Variants in AEBP2 observed in about 807,000 individuals in gnomAD.
The protein encoded by AEBP2 is zinc finger protein AEBP2.
In AEBP2, 10 loss-of-function variants were observed where a neutral mutation model predicts 50.8. The ratio of observed to expected loss-of-function variants is 0.20; its 90% CI spans 0.12 to 0.33. The LOEUF (loss-of-function observed/expected upper bound fraction) is 0.33. Among genes scored for constraint, AEBP2 ranks in the 10% least tolerant of loss-of-function variants. AEBP2 has a pLI of 1.00. For missense variants in AEBP2, 570 were observed against 688.0 expected, an observed-to-expected ratio of 0.83 and a Z score of 1.92; for synonymous variants, 296 against 261.3, an observed-to-expected ratio of 1.13 and a Z score of -1.28.
chr12:19,416,209 C>T (rs895066858), intron 1 of AEBP2, among the ~76,000 whole-genome samples: 3 of 152,072 alleles, frequency 2.0e-5, no homozygotes, highest in African/African-American at 7.2e-5. Flanking sequence ...CAAAACAAAA[C>T]CCAACTTTGG....
rs188858521 is a variant in AEBP2 at position 19,461,763 on chromosome 12, G to A, written c.672-747G>A. ...TGGCATCAGGTAGTCCACCCGCCTC[G>A]GCCTCCCAAAGTGCTGGAATTACAG... On this transcript the variant is annotated intron_variant, in intron 1 of 7. Coordinates refer to ENST00000266508, the MANE Select transcript of AEBP2 (RefSeq NM_153207.5). Among the ~76,000 whole-genome samples the A allele has an allele frequency of 7.2e-5, 11 of 152,170 alleles. No individual in the cohort carries two copies. In the East Asian group the frequency reaches 2.1e-3, roughly 29 times the overall value.
intron 1 of AEBP2, among the ~76,000 whole-genome samples, chr12:19,414,727 A>C (rs951811992): frequency 2.6e-5 from 4 of 152,186 alleles, no homozygotes; most frequent in African/African-American, 7.2e-5. Context: ...GTTCGAGACC[A>C]ACCTGGCCAA....
chr12:19,456,528 G>T, intron 1 of AEBP2: 1 of 1,524,824 alleles, frequency 6.6e-7, no homozygotes, highest in Non-Finnish European at 9.1e-7. Flanking sequence ...AAACTTGCAT[G>T]CAGTGTGAGC....
chr12:19,484,616 G>A lies in AEBP2; in HGVS notation c.988-9184G>A, dbSNP rs1238405235. ...TCTCGATCTCTTGACCTCGTGATCC[G>A]CCCGCCTTGGCCTCACAAAGTGCTG... On this transcript the variant is annotated intron_variant, in intron 3 of 7. Coordinates refer to ENST00000266508, the MANE Select transcript of AEBP2 (RefSeq NM_153207.5). 5.9e-5 allele frequency among the ~76,000 whole-genome samples: 9 copies of A among 152,026 alleles called. No homozygotes were observed. In the South Asian group the frequency reaches 6.2e-4, roughly 11 times the overall value.
chr12:19,476,530 CAG>C (rs57783140), intron 3 of AEBP2, among the ~76,000 whole-genome samples: 56,256 of 151,776 alleles, frequency 0.37, 13,104 homozygotes, highest in Non-Finnish European at 0.53. Context: ...TTAGTAGAGA[CAG>C]AGCTTCACCC....
chr12:19,461,592 C>G (rs2153370072), intron 1 of AEBP2, among the ~76,000 whole-genome samples: 1 of 152,138 alleles, frequency 6.6e-6, no homozygotes, highest in South Asian at 2.1e-4. Flanking sequence ...TCACTCCAAC[C>G]TCCGCCTCCT....
rs1184964981 is a variant in AEBP2 at position 19,522,204 on chromosome 12, A to G, written c.*4087A>G. 1 of 152,146 alleles carries G rather than the reference A, an allele frequency of 6.6e-6. No homozygotes were observed. The highest frequency in any genetic ancestry group is 6.5e-5 in the Admixed American group (1 of 15,278). The allele number at this position is 152,146 out of a possible 1,614,324, so 9.4% of individuals were successfully genotyped here. ...TTTCCTGTGTACGTAGTTTGTTTTT[A>G]AATTAAAGAATCTTGTGACCTGGTG... is the stretch of plus-strand genomic sequence containing the variant. On this transcript the variant is annotated 3_prime_UTR_variant, in exon 8 of 8. Transcript: ENST00000266508.
At chr12:19,498,223 A>G (rs975006656) in intron 4 of AEBP2, among the ~76,000 whole-genome samples, 4 of 152,190 alleles carry the variant, frequency 2.6e-5, no homozygotes, top group African/African-American at 9.6e-5. Context: ...AGCTTGGAGA[A>G]AGTTACACAT....
chr12:19,509,607 G>A, intron 5 of AEBP2, among the ~76,000 whole-genome samples: 1 of 151,926 alleles, frequency 6.6e-6, no homozygotes, highest in Non-Finnish European at 1.5e-5. Flanking sequence ...ACATACCTAG[G>A]CGTAGTGGCT....
intron 1 of AEBP2, among the ~76,000 whole-genome samples, chr12:19,444,499 G>T (rs775843072): frequency 1.3e-5 from 2 of 152,230 alleles, no homozygotes; most frequent in Non-Finnish European, 2.9e-5. Context: ...TTGGGAGGCC[G>T]AGGAGGGCAG....
rs569149056 is a variant in AEBP2 at position 19,502,794 on chromosome 12, G to A, written c.1299+2573G>A. On this transcript the variant is annotated intron_variant, in intron 5 of 7. Coordinates refer to ENST00000266508, the MANE Select transcript of AEBP2 (RefSeq NM_153207.5). ...CTCCCAAGTAGCTGGGATTACAGGC[G>A]TGTACCACCACGCCTGGCTAATCTT... Among the ~76,000 whole-genome samples, 22 of 152,118 alleles carry A rather than the reference G, an allele frequency of 1.4e-4. No homozygotes were observed. The East Asian group carries it at 2.3e-3, about 16-fold the overall frequency.
chr12:19,510,068 A>G (rs1379322504), intron 5 of AEBP2, among the ~76,000 whole-genome samples: 1 of 152,006 alleles, frequency 6.6e-6, no homozygotes, highest in Non-Finnish European at 1.5e-5. Flanking sequence ...TCTAACCTCA[A>G]GTGTTCTGCC....
At chr12:19,407,791 G>A (rs1294578489) in intron 1 of AEBP2, among the ~76,000 whole-genome samples, 1 of 151,460 alleles carries the variant, frequency 6.6e-6, no homozygotes, top group Non-Finnish European at 1.5e-5. Context: ...GCTTACTCCT[G>A]TAATCCCAGT....
At chr12:19,467,100 C>CT (rs1190944180) in intron 2 of AEBP2, among the ~76,000 whole-genome samples, 45 of 151,946 alleles carry the variant, frequency 3.0e-4, no homozygotes, top group Admixed American at 2.8e-3. Flanking sequence ...TATGAATACA[C>CT]TTTTTTTTCT....
At chr12:19,482,610 A>AGTTG (rs2120357996) in intron 3 of AEBP2, among the ~76,000 whole-genome samples, 1 of 152,262 alleles carries the variant, frequency 6.6e-6, no homozygotes, top group Non-Finnish European at 1.5e-5. Flanking sequence ...GCTTGCCCTA[A>AGTTG]GTTGGCCTGG....
chr12:19,501,793 G>GTTTGTTT (rs1555187197), intron 5 of AEBP2, among the ~76,000 whole-genome samples: 16 of 35,220 alleles, frequency 4.5e-4, no homozygotes, highest in African/African-American at 7.7e-4. Context: ...ATAAAAATGA[G>GTTTGTTT]TTTGTTTTTT....
At position 19,446,718 on chromosome 12, in the gene AEBP2, C is replaced by T. The variant is rs550736663; in HGVS notation, c.671+6348C>T. Among the ~76,000 whole-genome samples the T allele has an allele frequency of 4.2e-3, 539 of 126,900 alleles. 2 individuals are homozygous for T. The highest frequency in any genetic ancestry group is 0.012 in the African/African-American group (398 of 31,846). The allele number at this position is 126,900 out of a possible 152,430, so 83.3% of individuals were successfully genotyped here. A position where few individuals can be genotyped will look rare whatever the true frequency, so the allele number is the denominator to read the frequency against. ...CTGCACTCCAGCCTGGGCGACAGAG[C>T]GAGACTCCGTTTCCAAAAAAAAAAA... On this transcript the variant is annotated intron_variant, in intron 1 of 7. Coordinates refer to ENST00000266508, the MANE Select transcript of AEBP2 (RefSeq NM_153207.5).
chr12:19,475,433 G>GGTAT (rs576299155), intron 3 of AEBP2, among the ~76,000 whole-genome samples: 98 of 151,806 alleles, frequency 6.5e-4, no homozygotes, highest in African/African-American at 2.0e-3. Flanking sequence ...AGTATTCCAT[G>GGTAT]GTATGTATGT....
At chr12:19,423,167 G>C (rs1472553676) in intron 1 of AEBP2, among the ~76,000 whole-genome samples, 1 of 148,464 alleles carries the variant, frequency 6.7e-6, no homozygotes, top group East Asian at 2.0e-4. Context: ...TATATGCCCA[G>C]TGCTAAGAGC....
Sources: allele counts gnomAD v4.1 joint callset (sites outside exome capture counted in the v4.1 genomes callset), GRCh38; gene constraint gnomAD v4.1.1; transcripts MANE v1.5; gene names NCBI Gene and HGNC (gene_info 2026-07-23, HGNC 2026-07-21).